Variants in ABTB2 observed in about 807,000 individuals in gnomAD.
ABTB2 encodes ankyrin repeat and BTB/POZ domain-containing protein 2.
In ABTB2, 56 loss-of-function variants were observed where a neutral mutation model predicts 104.1. The ratio of observed to expected loss-of-function variants is 0.54; its 90% CI spans 0.43 to 0.67. ABTB2 has a LOEUF of 0.67. Among genes scored for constraint, ABTB2 ranks in the 30% least tolerant of loss-of-function variants. The pLI, the probability that ABTB2 is intolerant of heterozygous loss-of-function variation, is 0.00. For synonymous variants in ABTB2, 606 were observed against 608.2 expected (o/e 1.00, Z 0.05); for missense variants, 1,279 against 1,407.7 (o/e 0.91, Z 1.46).
At chr11:34,217,351 A>G (rs1239801972) in intron 1 of ABTB2, among the ~76,000 whole-genome samples, 2 of 152,238 alleles carry the variant, frequency 1.3e-5, no homozygotes, top group Non-Finnish European at 2.9e-5. Context: ...ACCACAGTTT[A>G]TCTATCCATT....
rs781770777 is a variant in ABTB2, at chr11:34,267,320, C to G, written c.884-62630G>C. 2.0e-5 allele frequency among the ~76,000 whole-genome samples: 3 copies of G among 152,222 alleles called. No homozygotes were observed. The South Asian group carries it at 6.2e-4, about 32-fold the overall frequency. On this transcript the variant is annotated intron_variant, in intron 1 of 16. Coordinates refer to ENST00000435224, the MANE Select transcript of ABTB2 (RefSeq NM_145804.3). The stretch of plus-strand genomic sequence containing the variant: ...GGACAGACTCAACTGGCCAGGAACA[C>G]CCCACTGGGGCTCAGTCTTGCTGAC...
At chr11:34,301,633 A>G (rs1854707516) in intron 1 of ABTB2, among the ~76,000 whole-genome samples, 1 of 152,210 alleles carries the variant, frequency 6.6e-6, no homozygotes, top group Non-Finnish European at 1.5e-5. Flanking sequence ...TCCACCTTTG[A>G]GTATTCAAAA....
At chr11:34,248,413 C>T (rs1854012582) in intron 1 of ABTB2, among the ~76,000 whole-genome samples, 1 of 151,962 alleles carries the variant, frequency 6.6e-6, no homozygotes, top group Admixed American at 6.6e-5. Context: ...GGTTAACTAC[C>T]AGTTTCCTAT....
chr11:34,334,692 C>A (rs1019303318), intron 1 of ABTB2, among the ~76,000 whole-genome samples: 2 of 152,106 alleles, frequency 1.3e-5, no homozygotes, highest in Non-Finnish European at 2.9e-5. Context: ...ACCGTGTTTC[C>A]CATCCCCTCA....
intron 1 of ABTB2, among the ~76,000 whole-genome samples, chr11:34,229,344 G>A (rs559331134): frequency 2.6e-5 from 4 of 151,572 alleles, no homozygotes; most frequent in Non-Finnish European, 4.4e-5. Flanking sequence ...AGCCAGGTGT[G>A]GTGGCGGGCG....
In ABTB2 at chr11:34,170,926, C is replaced by T. The variant is rs759747790; in HGVS notation, c.1543G>A (p.Val515Ile). The change falls in exon 5 of 17, where the codon GTT (valine) becomes ATT (isoleucine). Residue 515 changes from valine (V) to isoleucine (I), a missense_variant. Transcript: ENST00000435224. ...QAIEALGPDG[V>I]NTMDDQGMTP... ...CGTACCTGGTCATCCATGGTGTTAA[C>T]CCCATCCGGACCCAAGGCCTCGATG... 2 of 1,614,002 alleles carry T rather than the reference C, an allele frequency of 1.2e-6. No individual in the cohort carries two copies. The highest frequency in any genetic ancestry group is 1.7e-6 in the Non-Finnish European group (2 of 1,180,008).
At chr11:34,227,426 T>A (rs1037624646) in intron 1 of ABTB2, among the ~76,000 whole-genome samples, 4 of 152,240 alleles carry the variant, frequency 2.6e-5, no homozygotes, top group Non-Finnish European at 5.9e-5. Context: ...ATAAATGGAA[T>A]CCCACAAGAT....
intron 5 of ABTB2, 109 bp from the exon 6 acceptor site, chr11:34,168,101 C>T (rs2473919): frequency 0.089 from 98,303 of 1,106,478 alleles, 4,978 homozygotes; most frequent in Admixed American, 0.15. Context: ...GCCACCCCAG[C>T]CGAGCATCCT....
chr11:34,239,550 C>G (rs918757152), intron 1 of ABTB2, among the ~76,000 whole-genome samples: 1 of 151,998 alleles, frequency 6.6e-6, no homozygotes, highest in Non-Finnish European at 1.5e-5. Flanking sequence ...AGACTGGTCT[C>G]GAACTCCTGA....
intron 10 of ABTB2, among the ~76,000 whole-genome samples, chr11:34,162,002 C>T (rs115937839): frequency 1.3e-3 from 192 of 152,270 alleles, no homozygotes; most frequent in African/African-American, 2.0e-3. Flanking sequence ...GTGGCCACTA[C>T]GCCTTGTACT....
At chr11:34,271,228 T>C (rs1854310436) in intron 1 of ABTB2, among the ~76,000 whole-genome samples, 1 of 152,186 alleles carries the variant, frequency 6.6e-6, no homozygotes, top group African/African-American at 2.4e-5. Flanking sequence ...TAAATTGAAC[T>C]TGATGACACC....
chr11:34,274,511 C>T lies in ABTB2; in HGVS notation c.884-69821G>A, dbSNP rs142405455. Among the ~76,000 whole-genome samples, 387 of 151,624 alleles carry T rather than the reference C, an allele frequency of 2.6e-3. 1 individual carries two copies. The highest frequency in any genetic ancestry group is 9.0e-3 in the African/African-American group (371 of 41,344). ...CAGTTGTCTTATTTCTGGTTATAGCCGTTTTAATATGATCTTTGCATCCCT... is the reference window on the plus strand; with the variant it reads ...CAGTTGTCTTATTTCTGGTTATAGCTGTTTTAATATGATCTTTGCATCCCT... On this transcript the variant is annotated intron_variant, in intron 1 of 16. Transcript: ENST00000435224.
intron 1 of ABTB2, among the ~76,000 whole-genome samples, chr11:34,342,650 C>T (rs1855275147): frequency 6.6e-6 from 1 of 152,152 alleles, no homozygotes; most frequent in Admixed American, 6.5e-5. Context: ...TCTGGTGCTT[C>T]GTAAAAGTTT....
At chr11:34,300,651 G>A (rs1257305645) in intron 1 of ABTB2, among the ~76,000 whole-genome samples, 1 of 151,984 alleles carries the variant, frequency 6.6e-6, no homozygotes. Flanking sequence ...ATGTAATTGG[G>A]CATAATCAGA....
intron 1 of ABTB2, among the ~76,000 whole-genome samples, chr11:34,314,726 A>G (rs527485267): frequency 6.6e-6 from 1 of 152,344 alleles, no homozygotes; most frequent in African/African-American, 2.4e-5. Flanking sequence ...AGGACTGGCT[A>G]GATAATTTTC....
At chr11:34,292,346 G>A (rs1437269021) in intron 1 of ABTB2, among the ~76,000 whole-genome samples, 1 of 152,160 alleles carries the variant, frequency 6.6e-6, no homozygotes, top group Non-Finnish European at 1.5e-5. Context: ...TTCCTACTTT[G>A]CAAAGTGTTA....
At chr11:34,347,214 T>C (rs1806508589) in intron 1 of ABTB2, among the ~76,000 whole-genome samples, 1 of 152,184 alleles carries the variant, frequency 6.6e-6, no homozygotes, top group African/African-American at 2.4e-5. Context: ...GGCGGGCAGA[T>C]CGCTTGAGGT....
At chr11:34,293,845 C>T (rs1854590912) in intron 1 of ABTB2, among the ~76,000 whole-genome samples, 2 of 152,262 alleles carry the variant, frequency 1.3e-5, no homozygotes, top group Admixed American at 1.3e-4. Flanking sequence ...CTGCCTCAGC[C>T]TCCCAAGTAG....
intron 1 of ABTB2, among the ~76,000 whole-genome samples, chr11:34,218,776 G>A (rs1443153575): frequency 2.0e-5 from 3 of 149,666 alleles, no homozygotes; most frequent in African/African-American, 7.4e-5. Flanking sequence ...AACCCAGGAG[G>A]TGGAGGTTGC....
Sources: allele counts gnomAD v4.1 joint callset (sites outside exome capture counted in the v4.1 genomes callset), GRCh38; gene constraint gnomAD v4.1.1; transcripts MANE v1.5; gene names NCBI Gene and HGNC (gene_info 2026-07-23, HGNC 2026-07-21).